DRC8: variants seen among roughly 807,000 people sequenced by gnomAD.
The protein encoded by DRC8 is dynein regulatory complex subunit 8, also known as dynein regulatory complex protein 8.
At chr1:245,070,575 A>C in the DRC8 span, among the ~76,000 whole-genome samples, 10 of 152,232 alleles carry the variant, frequency 6.6e-5, no homozygotes, top group African/African-American at 2.4e-4. Flanking sequence ...TACTTTAGAC[A>C]AACCAGTCTG....
chr1:245,004,365 T>G, the DRC8 span, among the ~76,000 whole-genome samples: 4 of 152,074 alleles, frequency 2.6e-5, no homozygotes, highest in African/African-American at 9.7e-5. Flanking sequence ...TGACACAGTG[T>G]ATCAGTAACA....
the DRC8 span, chr1:245,086,925 CAA>C: frequency 2.1e-6 from 1 of 485,950 alleles, no homozygotes; most frequent in Non-Finnish European, 4.1e-6. Flanking sequence ...CTGGTAATTT[CAA>C]AAGTTTTAAT....
At chr1:245,094,063 C>T in the DRC8 span, among the ~76,000 whole-genome samples, 1 of 152,140 alleles carries the variant, frequency 6.6e-6, no homozygotes, top group Non-Finnish European at 1.5e-5. Flanking sequence ...GTCTTGCTGG[C>T]TGGTAACCAT....
the DRC8 span, among the ~76,000 whole-genome samples, chr1:245,082,469 T>C: frequency 1.1e-4 from 16 of 152,364 alleles, no homozygotes; most frequent in East Asian, 2.9e-3. Context: ...CTAATATTTT[T>C]CTAGCAAAAA....
At chr1:245,024,739 T>C in the DRC8 span, among the ~76,000 whole-genome samples, 2 of 152,070 alleles carry the variant, frequency 1.3e-5, no homozygotes, top group East Asian at 3.9e-4. Flanking sequence ...AGATGGGGGT[T>C]CACCATATTG....
At chr1:244,997,295 T>G in the DRC8 span, among the ~76,000 whole-genome samples, 1 of 117,084 alleles carries the variant, frequency 8.5e-6, no homozygotes, top group East Asian at 3.0e-4. Context: ...GTGAATAAAC[T>G]TCTTTACAAA....
the DRC8 span, chr1:245,083,349 C>A: frequency 8.6e-7 from 1 of 1,167,250 alleles, no homozygotes; most frequent in Non-Finnish European, 1.3e-6. Context: ...TGAAACTGGT[C>A]CCTGGTGCCA....
the DRC8 span, among the ~76,000 whole-genome samples, chr1:245,101,281 T>A: frequency 2.0e-5 from 3 of 152,366 alleles, no homozygotes; most frequent in African/African-American, 7.2e-5. Context: ...ACCAACTTGT[T>A]TGTCCTGTAG....
the DRC8 span, among the ~76,000 whole-genome samples, chr1:244,995,090 C>T: frequency 1.3e-5 from 2 of 151,826 alleles, no homozygotes; most frequent in African/African-American, 2.4e-5. Flanking sequence ...CGGCCGGGCG[C>T]GGTGGCTCAC....
chr1:245,118,376 G>T, the DRC8 span, among the ~76,000 whole-genome samples: 97,154 of 152,032 alleles, frequency 0.64, 32,725 homozygotes, highest in East Asian at 0.86. Context: ...GCTTCCTGAA[G>T]GCCCTCGAAG....
At chr1:245,066,074 T>C in the DRC8 span, among the ~76,000 whole-genome samples, 5 of 152,144 alleles carry the variant, frequency 3.3e-5, no homozygotes, top group African/African-American at 1.2e-4. Flanking sequence ...TTCAGTTTTC[T>C]AGATCTACTA....
chr1:245,078,305 T>G, the DRC8 span, among the ~76,000 whole-genome samples: 1 of 152,148 alleles, frequency 6.6e-6, no homozygotes, highest in Non-Finnish European at 1.5e-5. Flanking sequence ...AATTACCATA[T>G]CATCCAACAA....
At chr1:244,976,229 A>G in the DRC8 span, among the ~76,000 whole-genome samples, 3 of 152,318 alleles carry the variant, frequency 2.0e-5, no homozygotes, top group South Asian at 6.2e-4. Flanking sequence ...AGATCGCAGC[A>G]TTGCACTCCA....
chr1:245,047,142 C>T, the DRC8 span, among the ~76,000 whole-genome samples: 85 of 152,278 alleles, frequency 5.6e-4, no homozygotes, highest in African/African-American at 1.9e-3. Context: ...ACTCCAGCAG[C>T]GTGGGGGTTT....
the DRC8 span, among the ~76,000 whole-genome samples, chr1:245,081,729 C>T: frequency 6.6e-6 from 1 of 151,396 alleles, no homozygotes; most frequent in East Asian, 2.0e-4. Flanking sequence ...TTGGCCTCCT[C>T]AAGTGCTGGG....
chr1:245,015,836 T>G, the DRC8 span: 1 of 170,090 alleles, frequency 5.9e-6, no homozygotes, highest in African/African-American at 2.4e-5. Context: ...CTGGTCTCTC[T>G]GCTTCCACCC....
At chr1:245,101,190 A>G in the DRC8 span, among the ~76,000 whole-genome samples, 1 of 152,192 alleles carries the variant, frequency 6.6e-6, no homozygotes, top group East Asian at 1.9e-4. Flanking sequence ...TGGCCTGGCT[A>G]ACATGTTTTT....
At chr1:245,123,198 GT>G in the DRC8 span, 1 of 152,158 alleles carries the variant, frequency 6.6e-6, no homozygotes, top group Non-Finnish European at 1.5e-5. This position sits in a 1 kb window ranked among gnomAD's most constrained non-coding sequence, Gnocchi z 5.0. Flanking sequence ...TGGACCGTAG[GT>G]TTTGCTTCAT....
At chr1:245,116,606 G>C in the DRC8 span, among the ~76,000 whole-genome samples, 1 of 152,132 alleles carries the variant, frequency 6.6e-6, no homozygotes. Context: ...AAAGTGCCTA[G>C]ATTTCTTGTT....
Sources: allele counts gnomAD v4.1 joint callset (sites outside exome capture counted in the v4.1 genomes callset), GRCh38; gene constraint gnomAD v4.1.1; non-coding constraint Gnocchi (gnomAD v3.1); transcripts MANE v1.5; gene names NCBI Gene and HGNC (gene_info 2026-07-23, HGNC 2026-07-21).